RSRC1: variants seen among roughly 807,000 people sequenced by gnomAD.
RSRC1 encodes the protein serine/Arginine-related protein 53.
Under a neutral mutation model 49.1 loss-of-function variants are expected in RSRC1, and 39 were observed. The observed-to-expected ratio is 0.79, with a 90% CI of 0.61 to 1.04. The LOEUF (loss-of-function observed/expected upper bound fraction) is 1.04, where lower values mean the gene tolerates loss of function less well. RSRC1 is among the 50% of genes least tolerant of loss of function. The pLI is 0.00. For missense variants in RSRC1, 388 were observed against 402.4 expected (o/e 0.96, Z 0.31); for synonymous variants, 143 against 130.8 (o/e 1.09, Z -0.63).
In RSRC1 at chr3:158,424,979, T is replaced by C. The variant is rs1402671172; in HGVS notation, c.584-35956T>C. Among the ~76,000 whole-genome samples the C allele has an allele frequency of 2.0e-5, 3 of 151,550 alleles. No homozygotes were observed. In the South Asian group the frequency reaches 6.3e-4, roughly 32 times the overall value. On this transcript the variant is annotated intron_variant, in intron 6 of 9. Coordinates refer to ENST00000611884, the MANE Select transcript of RSRC1 (RefSeq NM_001271838.2). ...TTTGATTCTTCTCTCTTTTTTTCTT[T>C]ATTAGTCTTGCTAGCGGTCTATCAA...
At chr3:158,406,260 A>G (rs1734158878) in intron 6 of RSRC1, among the ~76,000 whole-genome samples, 1 of 152,148 alleles carries the variant, frequency 6.6e-6, no homozygotes, top group African/African-American at 2.4e-5. Flanking sequence ...AAAAGAATTC[A>G]TTGCCATATT....
chr3:158,419,104 G>A (rs1401591330), intron 6 of RSRC1, among the ~76,000 whole-genome samples: 2 of 151,942 alleles, frequency 1.3e-5, no homozygotes, highest in African/African-American at 4.8e-5. Context: ...AGTCACATGA[G>A]TGTTATTACA....
intron 4 of RSRC1, among the ~76,000 whole-genome samples, chr3:158,242,058 T>TTTA (rs1553773677): frequency 7.1e-6 from 1 of 140,316 alleles, no homozygotes; most frequent in African/African-American, 2.7e-5. Flanking sequence ...TTTTTTTTTT[T>TTTA]AGTTTAGGGG....
At chr3:158,458,279 A>G (rs1737446780) in intron 6 of RSRC1, among the ~76,000 whole-genome samples, 1 of 152,180 alleles carries the variant, frequency 6.6e-6, no homozygotes, top group Non-Finnish European at 1.5e-5. Context: ...AATAAATAGC[A>G]TGTATACACT....
At chr3:158,121,145 C>A (rs562325779) in intron 1 of RSRC1, among the ~76,000 whole-genome samples, 1 of 151,726 alleles carries the variant, frequency 6.6e-6, no homozygotes, top group Non-Finnish European at 1.5e-5. Flanking sequence ...TCAATGGATA[C>A]CACTATAATA....
intron 7 of RSRC1, among the ~76,000 whole-genome samples, chr3:158,527,849 A>G (rs959231566): frequency 1.3e-5 from 2 of 152,010 alleles, no homozygotes; most frequent in African/African-American, 4.8e-5. Context: ...TTCATTATAA[A>G]AAGTATAACT....
intron 4 of RSRC1, among the ~76,000 whole-genome samples, chr3:158,286,415 C>T (rs1167015665): frequency 6.6e-6 from 1 of 152,084 alleles, no homozygotes; most frequent in Non-Finnish European, 1.5e-5. Flanking sequence ...GTTAAATGAG[C>T]AGATTATGTA....
intron 6 of RSRC1, among the ~76,000 whole-genome samples, chr3:158,412,523 A>C (rs1430905899): frequency 6.6e-6 from 1 of 151,990 alleles, no homozygotes; most frequent in East Asian, 1.9e-4. Context: ...TGTTCTTTTT[A>C]TATTTGTTTA....
At chr3:158,478,896 T>C (rs1738493005) in intron 7 of RSRC1, among the ~76,000 whole-genome samples, 4 of 149,472 alleles carry the variant, frequency 2.7e-5, no homozygotes, top group Admixed American at 2.0e-4. Flanking sequence ...AGAGTACTAT[T>C]GTATTCATTA....
chr3:158,348,963 A>C (rs1299498263), intron 5 of RSRC1, among the ~76,000 whole-genome samples: 5 of 152,162 alleles, frequency 3.3e-5, no homozygotes, highest in African/African-American at 1.2e-4. Context: ...CATAGTGTAC[A>C]TATACCACGT....
chr3:158,361,361 G>C (rs946758055), intron 6 of RSRC1, among the ~76,000 whole-genome samples: 1 of 152,172 alleles, frequency 6.6e-6, no homozygotes, highest in Non-Finnish European at 1.5e-5. Flanking sequence ...GGCAAGAGCA[G>C]CGACATGGTG....
intron 7 of RSRC1, among the ~76,000 whole-genome samples, chr3:158,478,118 A>G (rs1560059686): frequency 6.6e-6 from 1 of 151,754 alleles, no homozygotes; most frequent in Non-Finnish European, 1.5e-5. Context: ...GCAAACCAGC[A>G]TTAGTGAATT....
intron 5 of RSRC1, among the ~76,000 whole-genome samples, chr3:158,338,901 G>GTT (rs1477338391): frequency 6.6e-6 from 1 of 152,156 alleles, no homozygotes; most frequent in Non-Finnish European, 1.5e-5. Context: ...TGTTAGGAAT[G>GTT]TTGTGAGAAT....
intron 4 of RSRC1, among the ~76,000 whole-genome samples, chr3:158,241,249 A>G (rs1578233265): frequency 6.6e-6 from 1 of 152,002 alleles, no homozygotes; most frequent in African/African-American, 2.4e-5. Context: ...GGAGTTCGCG[A>G]CCAGCCTGGC....
chr3:158,412,438 A>G (rs1202885966), intron 6 of RSRC1, among the ~76,000 whole-genome samples: 1 of 152,128 alleles, frequency 6.6e-6, no homozygotes, highest in Non-Finnish European at 1.5e-5. Flanking sequence ...ACTCACTTCA[A>G]GTGTCACCTT....
intron 4 of RSRC1, among the ~76,000 whole-genome samples, chr3:158,248,167 C>T (rs1348905805): frequency 1.3e-5 from 2 of 152,168 alleles, no homozygotes; most frequent in Admixed American, 6.5e-5. Context: ...GCCCTATACC[C>T]CAGCTTCAGG....
chr3:158,403,926 T>G (rs939387439), intron 6 of RSRC1, among the ~76,000 whole-genome samples: 6 of 151,836 alleles, frequency 4.0e-5, no homozygotes, highest in African/African-American at 1.4e-4. Flanking sequence ...TTAAGGAGCT[T>G]CTCAAAATTC....
intron 7 of RSRC1, among the ~76,000 whole-genome samples, chr3:158,475,007 C>G (rs1259745174): frequency 1.3e-5 from 2 of 152,044 alleles, no homozygotes; most frequent in Non-Finnish European, 2.9e-5. Context: ...CTCAACCTCC[C>G]AGGCTCAAGA....
chr3:158,355,788 A>C lies in RSRC1; in HGVS notation c.583+880A>C, dbSNP rs186336407. 8.2e-4 allele frequency among the ~76,000 whole-genome samples: 121 copies of C among 146,918 alleles called. No homozygotes were observed. In the East Asian group the frequency reaches 0.022, roughly 26 times the overall value. ...ATGAGTAGTACAATAGTCCTCTCTT[A>C]TACATGGTGGATGTCTTCCAAGCGT... On this transcript the variant is annotated intron_variant, in intron 6 of 9. Coordinates refer to ENST00000611884, the MANE Select transcript of RSRC1 (RefSeq NM_001271838.2).
Sources: gnomAD v4.1 joint callset for allele counts (sites outside exome capture counted in the v4.1 genomes callset) on GRCh38, gnomAD v4.1.1 for gene constraint, MANE v1.5 for transcripts, NCBI Gene and HGNC (gene_info 2026-07-23, HGNC 2026-07-21) for gene names.